The following EFR3B variants were observed in gnomAD, a reference collection of about 807,000 sequenced individuals.
The protein encoded by EFR3B is EFR3 homolog B.
In EFR3B, 64 loss-of-function variants were observed where a neutral mutation model predicts 104.7. The observed-to-expected ratio is 0.61, with a 90% confidence interval of 0.50 to 0.75. EFR3B has a LOEUF of 0.75. EFR3B is among the 30% of genes least tolerant of loss of function. The pLI is 0.00. For missense variants in EFR3B, 750 were observed against 1,078.5 expected, an observed-to-expected ratio of 0.70 and a Z score of 4.27; for synonymous variants, 385 against 417.9, an observed-to-expected ratio of 0.92 and a Z score of 0.96.
Position 25,145,026 on chromosome 2 carries a change from C to T in EFR3B, c.2117C>T (p.Ser706Leu). ...ATCTCCCTGCAGGTGGAGGTAGAAT[C>T]GAGGAACAGTCCGGAGAAGGAGGAG... Reference protein sequence around the residue: ...ETISLQVEVESRNSPEKEERV... With the variant: ...ETISLQVEVELRNSPEKEERV... Residue 706 changes from serine (S) to leucine (L), a missense_variant, in exon 19 of 23, where the codon TCG (serine) becomes TTG (leucine). By Grantham distance (145) the Ser-to-Leu change is moderately radical (BLOSUM62 -2). Coordinates refer to ENST00000403714, the MANE Select transcript of EFR3B (RefSeq NM_014971.2). 1.9e-6 allele frequency: 3 copies of T among 1,551,718 alleles called. No individual in the cohort carries two copies. Among genetic ancestry groups the T allele is most frequent in the Non-Finnish European group, 2.6e-6 (3 of 1,147,002 alleles).
chr2:25,051,951 T>TTTGGG (rs1667883068), intron 1 of EFR3B, among the ~76,000 whole-genome samples: 2 of 150,608 alleles, frequency 1.3e-5, no homozygotes, highest in Non-Finnish European at 3.0e-5. Flanking sequence ...ATCCCAGCCC[T>TTTGGG]TTGGGAGGCT....
At chr2:25,056,586 T>C (rs1668029531) in intron 1 of EFR3B, among the ~76,000 whole-genome samples, 1 of 151,762 alleles carries the variant, frequency 6.6e-6, no homozygotes, top group Admixed American at 6.6e-5. Context: ...TTGTGTGCAG[T>C]ACAGGTCTTC....
intron 12 of EFR3B, among the ~76,000 whole-genome samples, chr2:25,133,724 A>T (rs112936108): frequency 2.6e-4 from 39 of 152,270 alleles, no homozygotes; most frequent in African/African-American, 9.1e-4. Context: ...CTTGAGACGG[A>T]ATCTGTTGGT....
At chr2:25,144,168 G>A (rs1421190178) in intron 18 of EFR3B, among the ~76,000 whole-genome samples, 1 of 152,190 alleles carries the variant, frequency 6.6e-6, no homozygotes, top group Non-Finnish European at 1.5e-5. Context: ...AGACCCCTGT[G>A]CAACTTACTG....
chr2:25,079,772 T>C, intron 1 of EFR3B: 1 of 603,366 alleles, frequency 1.7e-6, no homozygotes, highest in South Asian at 1.5e-5. Context: ...AACCAAATGT[T>C]TTTAAAAGTT....
intron 6 of EFR3B, among the ~76,000 whole-genome samples, chr2:25,128,546 C>G (rs1489357294): frequency 6.6e-6 from 1 of 152,108 alleles, no homozygotes; most frequent in African/African-American, 2.4e-5. Context: ...TGTGCGTTAC[C>G]GAAGGAGGAC....
chr2:25,052,990 G>A (rs964678606), intron 1 of EFR3B, among the ~76,000 whole-genome samples: 4 of 152,306 alleles, frequency 2.6e-5, no homozygotes, highest in Admixed American at 6.5e-5. Context: ...TATGTGAAAA[G>A]TCTGGGATTT....
At chr2:25,135,681 G>A in intron 13 of EFR3B, 42 bp downstream of exon 13, 2 of 1,549,084 alleles carry the variant, frequency 1.3e-6, no homozygotes, top group Non-Finnish European at 1.7e-6. Context: ...AAGATGGGGA[G>A]AGGACTCTCC....
At chr2:25,106,147 C>G (rs12233134) in intron 4 of EFR3B, among the ~76,000 whole-genome samples, 4 of 151,978 alleles carry the variant, frequency 2.6e-5, no homozygotes, top group Non-Finnish European at 5.9e-5. Context: ...CATGCTAGTG[C>G]ATGACATTAT....
chr2:25,103,798 G>T lies in EFR3B; in HGVS notation c.363+11G>T. 1.9e-6 allele frequency: 3 copies of T among 1,550,772 alleles called. No individual in the cohort carries two copies. The South Asian group carries it at 3.6e-5, about 18-fold the overall frequency. ...CTCGGCACCAACTCGGTAAGGAGCG[G>T]CCCAGGGGGCTCCAGGTCTCCCAGC... On this transcript the variant is annotated intron_variant, in intron 4 of 22. Transcript: ENST00000403714.
rs558992988 is a variant in EFR3B at position 25,070,397 on chromosome 2, G to A, written c.8-20928G>A. On this transcript the variant is annotated intron_variant, in intron 1 of 22. Transcript: ENST00000403714. ...CCACCTCAATCTCCTGAGTAGCTGG[G>A]ATTACAGGTGCATGCCACCACGCCC... 1.8e-3 allele frequency among the ~76,000 whole-genome samples: 269 copies of A among 152,218 alleles called. 2 individuals are homozygous for A. Among genetic ancestry groups the A allele is most frequent in the African/African-American group, 6.3e-3 (262 of 41,528 alleles).
rs535897578 is a variant in EFR3B, at chr2:25,042,618, T to G, written c.7+299T>G. 121 of 1,169,780 alleles carry G rather than the reference T, an allele frequency of 1.0e-4. No homozygotes were observed. The highest frequency in any genetic ancestry group is 1.2e-4 in the Non-Finnish European group (118 of 948,894). 72.5% of individuals were successfully genotyped at this position (1,169,780 alleles called of 1,614,324 possible). ...CTCCCGGAGCCGAGCAGACCGGGAG[T>G]GCTGGAGGAGGTGGTCGTGTGGCAG... On this transcript the variant is annotated intron_variant, in intron 1 of 22. Transcript: ENST00000403714. The surrounding 1 kb of genome is among the most constrained non-coding windows in gnomAD (Gnocchi z 5.4).
rs1004312233 is a variant in EFR3B at position 25,114,675 on chromosome 2, C to G, written c.364-6998C>G. On this transcript the variant is annotated intron_variant, in intron 4 of 22. Transcript: ENST00000403714. The surrounding 1 kb of genome is among the most constrained non-coding windows in gnomAD (Gnocchi z 4.0). ...TTCAAGCCCAAACCACCCCAGTTCT[C>G]CCCTTCAGAGGAAGTGGCTGTCCAT... 6.6e-6 allele frequency among the ~76,000 whole-genome samples: 1 copy of G among 152,206 alleles called. No individual in the cohort carries two copies. Among genetic ancestry groups the G allele is most frequent in the Non-Finnish European group, 1.5e-5 (1 of 68,044 alleles).
chr2:25,130,408 C>G lies in EFR3B; in HGVS notation c.771-144C>G. 3 of 824,652 alleles carry G rather than the reference C, an allele frequency of 3.6e-6. No homozygotes were observed. Among genetic ancestry groups the G allele is most frequent in the Non-Finnish European group, 6.0e-6 (3 of 498,734 alleles). The allele number at this position is 824,652 out of a possible 1,614,324, so 51.1% of individuals were successfully genotyped here. A position where few individuals can be genotyped will look rare whatever the true frequency, so the allele number is the denominator to read the frequency against. On this transcript the variant is annotated intron_variant, in intron 7 of 22. Transcript: ENST00000403714. The surrounding 1 kb of genome is among the most constrained non-coding windows in gnomAD (Gnocchi z 4.6). ...CTCTCCAGCACTGGACTGGGACTAC[C>G]CCAAGGCCCTTCAGGCTTCACTTCC...
chr2:25,094,282 C>CAAAAAAAAAAAAAA (rs11455802), intron 3 of EFR3B, among the ~76,000 whole-genome samples: 2 of 91,648 alleles, frequency 2.2e-5, no homozygotes, highest in African/African-American at 4.9e-5. Context: ...GAGACTGTCT[C>CAAAAAAAAAAAAAA]AAAAAAAAAA....
At chr2:25,057,704 C>A (rs1668061457) in intron 1 of EFR3B, among the ~76,000 whole-genome samples, 1 of 151,664 alleles carries the variant, frequency 6.6e-6, no homozygotes, top group Admixed American at 6.6e-5. Flanking sequence ...ATCGCTTGAA[C>A]CTGGGAGGCG....
At chr2:25,051,001 T>C (rs1202805568) in intron 1 of EFR3B, among the ~76,000 whole-genome samples, 1 of 152,204 alleles carries the variant, frequency 6.6e-6, no homozygotes, top group Non-Finnish European at 1.5e-5. Flanking sequence ...GTGGAGAGGT[T>C]GAGTGACTGA....
chr2:25,045,051 C>T (rs948375229), intron 1 of EFR3B, among the ~76,000 whole-genome samples: 3 of 152,198 alleles, frequency 2.0e-5, no homozygotes, highest in Non-Finnish European at 4.4e-5. Context: ...GTCTACCTTC[C>T]AGGTCTGTTG....
intron 19 of EFR3B, among the ~76,000 whole-genome samples, chr2:25,148,502 G>T (rs1482125853): frequency 6.6e-6 from 1 of 151,576 alleles, no homozygotes. Context: ...TGATCCGCCC[G>T]CCTCAGCCTC....
Sources: allele counts gnomAD v4.1 joint callset (sites outside exome capture counted in the v4.1 genomes callset), GRCh38; gene constraint gnomAD v4.1.1; non-coding constraint Gnocchi (gnomAD v3.1); transcripts MANE v1.5; gene names NCBI Gene and HGNC (gene_info 2026-07-23, HGNC 2026-07-21).